The following NT5DC1 variants were observed in gnomAD, a reference collection of about 807,000 sequenced individuals.
NT5DC1 encodes the protein 5'-nucleotidase domain-containing protein 1.
Under a neutral mutation model 59.4 loss-of-function variants are expected in NT5DC1, and 42 were observed. The observed-to-expected ratio is 0.71, with a 90% CI of 0.55 to 0.92. The LOEUF is 0.92. NT5DC1 is among the 40% of genes least tolerant of loss of function. The pLI, the probability that NT5DC1 is intolerant of heterozygous loss-of-function variation, is 0.00. For missense variants in NT5DC1, 501 were observed against 537.1 expected (o/e 0.93, Z 0.66); for synonymous variants, 172 against 188.1 (o/e 0.91, Z 0.70).
At chr6:116,221,521 T>C (rs1781805201) in intron 7 of NT5DC1, among the ~76,000 whole-genome samples, 1 of 152,178 alleles carries the variant, frequency 6.6e-6, no homozygotes, top group Admixed American at 6.5e-5. Flanking sequence ...TTCCATGAAT[T>C]TGGTTTCTCA....
intron 6 of NT5DC1, among the ~76,000 whole-genome samples, chr6:116,146,840 C>T (rs956687431): frequency 1.3e-5 from 2 of 151,708 alleles, no homozygotes; most frequent in Admixed American, 1.3e-4. Flanking sequence ...GGTGTTTGGC[C>T]TATGGATAGC....
rs200437402 is a variant in NT5DC1 at position 116,110,896 on chromosome 6, G to T, written c.304G>T (p.Ala102Ser). 1.8e-4 allele frequency: 286 copies of T among 1,614,036 alleles called. No individual in the cohort carries two copies. The highest frequency in any genetic ancestry group is 2.4e-4 in the Non-Finnish European group (280 of 1,179,982). The change falls in exon 4 of 12, where the codon GCA becomes TCA. Residue 102 changes from alanine (A) to serine (S), a missense_variant. Ala to Ser is a moderately conservative substitution (Grantham distance 99). Coordinates refer to ENST00000319550, the MANE Select transcript of NT5DC1 (RefSeq NM_152729.3). ...GATGACTCCAGAGGTGCTGGCAGAG[G>T]CATATGGCAAGAAAGAGTGGAAGCA... ...KMMTPEVLAE[A>S]YGKKEWKHFL...
Position 116,121,523 on chromosome 6 carries a change from C to T in NT5DC1, c.529+3578C>T, listed in dbSNP as rs148785195. On this transcript the variant is annotated intron_variant, in intron 6 of 11. Transcript: ENST00000319550. ...GCCTGGAAGACCCCTCTCACCTGGA[C>T]GACCAGGAGCACCATATCCCATTTC... 3.1e-3 allele frequency: 5,062 copies of T among 1,614,136 alleles called. 14 individuals are homozygous for T. The highest frequency in any genetic ancestry group is 5.7e-3 in the South Asian group (519 of 91,086).
In NT5DC1 at chr6:116,236,973, T is replaced by G. The variant is rs766661641; in HGVS notation, c.810T>G (p.Asp270Glu). Residue 270 changes from aspartate (D) to glutamate (E), a missense_variant, in exon 9 of 12, where the codon GAT becomes GAG. Coordinates refer to ENST00000319550, the MANE Select transcript of NT5DC1 (RefSeq NM_152729.3). ...GTCAAACTGTATTTTCAGAGAATGA[T>G]GAGGAGCAGGAGGCACTGCCATCTC... ...SQRPFRTLEN[D>E]EEQEALPSLD... 3.8e-6 allele frequency: 6 copies of G among 1,589,562 alleles called. No homozygotes were observed. In the South Asian group the frequency reaches 4.4e-5, roughly 12 times the overall value.
At chr6:116,184,962 C>T (rs1270391613) in intron 6 of NT5DC1, among the ~76,000 whole-genome samples, 1 of 151,748 alleles carries the variant, frequency 6.6e-6, no homozygotes, top group Admixed American at 6.6e-5. Context: ...TTGAGTGTGA[C>T]CTTAGATTGT....
rs150164845 is a variant in NT5DC1, at chr6:116,200,644, A to G, written c.530-20410A>G. 8.9e-3 allele frequency among the ~76,000 whole-genome samples: 1,360 copies of G among 152,154 alleles called. 11 individuals carry two copies. The highest frequency in any genetic ancestry group is 0.014 in the Non-Finnish European group (941 of 67,950). Reference sequence around the variant, plus strand: ...GAAGGATATTATCGAGCTCTGGTATATAATTCCCTTAGTTTTAAAAGTCTA... The same window carrying G: ...GAAGGATATTATCGAGCTCTGGTATGTAATTCCCTTAGTTTTAAAAGTCTA... On this transcript the variant is annotated intron_variant, in intron 6 of 11. Transcript: ENST00000319550.
chr6:116,216,089 C>T (rs962945823), intron 6 of NT5DC1, among the ~76,000 whole-genome samples: 1 of 152,022 alleles, frequency 6.6e-6, no homozygotes, highest in African/African-American at 2.4e-5. Context: ...ATCTAGAGTA[C>T]CATGCTTAAT....
At chr6:116,121,163 C>T (rs1779109852) in intron 6 of NT5DC1, 1 of 1,613,086 alleles carries the variant, frequency 6.2e-7, no homozygotes, top group African/African-American at 1.3e-5. Flanking sequence ...GGCACCTGGA[C>T]CCCCAGGAAG....
Position 116,188,526 on chromosome 6 carries a change from C to A in NT5DC1, c.530-32528C>A, listed in dbSNP as rs190015952. Among the ~76,000 whole-genome samples, 18 of 151,778 alleles carry A rather than the reference C, an allele frequency of 1.2e-4. No individual in the cohort carries two copies. In the East Asian group the frequency reaches 3.3e-3, roughly 28 times the overall value. On this transcript the variant is annotated intron_variant, in intron 6 of 11. Transcript: ENST00000319550. ...AAACAGAAAATGAGAGAGAAAAAGC[C>A]AGTAATACAGGATATACATATTCTA...
intron 6 of NT5DC1, among the ~76,000 whole-genome samples, chr6:116,200,754 TGGA>T (rs1212530657): frequency 6.6e-6 from 1 of 151,998 alleles, no homozygotes. Context: ...CCCACTAGCT[TGGA>T]GCAGTTTCAG....
intron 4 of NT5DC1, among the ~76,000 whole-genome samples, chr6:116,112,057 A>G (rs1301685011): frequency 6.6e-6 from 1 of 152,226 alleles, no homozygotes; most frequent in Non-Finnish European, 1.5e-5. Flanking sequence ...CCCAGCTGCT[A>G]AAAGAGCATT....
intron 8 of NT5DC1, among the ~76,000 whole-genome samples, chr6:116,235,116 A>G (rs963164785): frequency 9.4e-5 from 14 of 148,882 alleles, no homozygotes; most frequent in Non-Finnish European, 1.5e-5. Flanking sequence ...ATTTTTTTAA[A>G]TTTTTCATAA....
chr6:116,221,297 T>A, intron 7 of NT5DC1, 69 bp downstream of exon 7: 1 of 918,468 alleles, frequency 1.1e-6, no homozygotes, highest in Non-Finnish European at 1.7e-6. Flanking sequence ...CAGGGCTTTT[T>A]TAAAAGTGTC....
intron 6 of NT5DC1, among the ~76,000 whole-genome samples, chr6:116,163,137 AAAAAATAT>A (rs1052221669): frequency 9.5e-6 from 1 of 105,420 alleles, no homozygotes; most frequent in Non-Finnish European, 1.8e-5. Context: ...AAAAAAAAAA[AAAAAATAT>A]ATATATATAT....
At chr6:116,174,289 G>T (rs1780684029) in intron 6 of NT5DC1, among the ~76,000 whole-genome samples, 1 of 152,140 alleles carries the variant, frequency 6.6e-6, no homozygotes, top group Non-Finnish European at 1.5e-5. Flanking sequence ...ACGGGTAGGT[G>T]TTAAATTCCC....
At chr6:116,230,789 A>G (rs1782003881) in intron 8 of NT5DC1, among the ~76,000 whole-genome samples, 1 of 152,156 alleles carries the variant, frequency 6.6e-6, no homozygotes, top group African/African-American at 2.4e-5. Context: ...ACAGTTGGGA[A>G]ATTGTCTGCT....
At chr6:116,111,150 A>G (rs1238231234) in intron 4 of NT5DC1, among the ~76,000 whole-genome samples, 194 bp downstream of exon 4, 1 of 152,252 alleles carries the variant, frequency 6.6e-6, no homozygotes, top group Admixed American at 6.5e-5. Flanking sequence ...GGTTCAAAAT[A>G]CTGTTCACAG....
intron 6 of NT5DC1, chr6:116,145,530 A>C (rs2114379658): frequency 3.2e-6 from 1 of 311,342 alleles, no homozygotes; most frequent in African/African-American, 2.1e-5. Flanking sequence ...ATTTCATTAG[A>C]ACTCCTGTCC....
At chr6:116,149,226 T>C (rs1779972676) in intron 6 of NT5DC1, among the ~76,000 whole-genome samples, 1 of 152,200 alleles carries the variant, frequency 6.6e-6, no homozygotes, top group Admixed American at 6.5e-5. Context: ...TTTGACACAA[T>C]TTAAGTTACT....
Sources: gnomAD v4.1 joint callset for allele counts (sites outside exome capture counted in the v4.1 genomes callset) on GRCh38, gnomAD v4.1.1 for gene constraint, MANE v1.5 for transcripts, NCBI Gene and HGNC (gene_info 2026-07-23, HGNC 2026-07-21) for gene names.